DYNC1H1: variants seen among roughly 807,000 people sequenced by gnomAD.
The protein encoded by DYNC1H1 is dynein cytoplasmic 1 heavy chain 1.
Under a neutral mutation model 527.1 loss-of-function variants are expected in DYNC1H1, and 51 were observed. That is an observed-to-expected ratio of 0.10 (90% CI 0.08 to 0.12). The LOEUF is 0.12. Among genes scored for constraint, DYNC1H1 ranks in the 10% least tolerant of loss-of-function variants. The probability of loss-of-function intolerance (pLI) is 1.00; values close to 1 mark genes in which losing one functional copy is unlikely to be tolerated. For synonymous variants in DYNC1H1, 2,189 were observed against 2,278.8 expected (o/e 0.96, Z 1.12); for missense variants, 2,771 against 5,971.8 (o/e 0.46, Z 17.66).
At position 102,041,645 on chromosome 14, in the gene DYNC1H1, G is replaced by T. The variant is rs569052480; in HGVS notation, c.12013G>T (p.Ala4005Ser). ...AFRPDRLLAM[A>S]HMFVSTNLGE... ...CCGGCCCGATCGCCTGTTGGCCATG[G>T]CCCACATGTTTGTTTCAACAAACCT... Residue 4005 changes from alanine (A) to serine (S), a missense_variant, in exon 65 of 78, where the codon GCC (alanine) becomes TCC (serine). This residue lies in a region of DYNC1H1 where 120 missense variants were observed against 161.9 expected (regional missense o/e 0.74). Transcript: ENST00000360184. This position sits in a 1 kb window ranked among gnomAD's most constrained non-coding sequence, Gnocchi z 4.5. The T allele has an allele frequency of 6.2e-7, 1 of 1,614,190 alleles. No homozygotes were observed. The highest frequency in any genetic ancestry group is 1.1e-5 in the South Asian group (1 of 91,078).
rs766415161 is a variant in DYNC1H1, at chr14:102,001,499, A to G, written c.4396-36A>G. On this transcript the variant is annotated intron_variant, in intron 20 of 77. Coordinates refer to ENST00000360184, the MANE Select transcript of DYNC1H1 (RefSeq NM_001376.5). The surrounding 1 kb of genome is among the most constrained non-coding windows in gnomAD (Gnocchi z 5.0). Reference sequence around the variant, plus strand: ...CCTTGTGCAGGTAGTGAATGCCCACATATTGATAACATGCATCTTTCTGGT... The same window carrying G: ...CCTTGTGCAGGTAGTGAATGCCCACGTATTGATAACATGCATCTTTCTGGT... 1.9e-6 allele frequency: 3 copies of G among 1,614,170 alleles called. No homozygotes were observed. Among genetic ancestry groups the G allele is most frequent in the Non-Finnish European group, 2.5e-6 (3 of 1,180,024 alleles).
chr14:101,985,808 A>G lies in DYNC1H1; in HGVS notation c.1583A>G (p.Glu528Gly). The G allele has an allele frequency of 1.9e-6, 3 of 1,614,186 alleles. No individual in the cohort carries two copies. In the East Asian group the frequency reaches 6.7e-5, roughly 36 times the overall value. ...ATTGAGGAAGTAAACCTTGCTTATG[A>G]GAACGTCAAGGAAGTGGATGGACTG... The part of the protein sequence containing the change: ...NAIEEVNLAY[E>G]NVKEVDGLDV... Residue 528 changes from glutamate (E) to glycine (G), a missense_variant, in exon 8 of 78, where the codon GAG becomes GGG. Coordinates refer to ENST00000360184, the MANE Select transcript of DYNC1H1 (RefSeq NM_001376.5). The surrounding 1 kb of genome is among the most constrained non-coding windows in gnomAD (Gnocchi z 5.9).
intron 1 of DYNC1H1, among the ~76,000 whole-genome samples, chr14:101,972,833 G>C (rs2047755169): frequency 6.6e-6 from 1 of 152,024 alleles, no homozygotes; most frequent in African/African-American, 2.4e-5. Flanking sequence ...TATTTTGATG[G>C]CATATTTTAT....
Position 102,015,516 on chromosome 14 carries a change from A to G in DYNC1H1, c.7242+184A>G, listed in dbSNP as rs2048309951. On this transcript the variant is annotated intron_variant, in intron 35 of 77. Transcript: ENST00000360184. This position sits in a 1 kb window ranked among gnomAD's most constrained non-coding sequence, Gnocchi z 6.9. The stretch of plus-strand genomic sequence containing the variant: ...TACCCAGCCAACTTTTGTGTAATCA[A>G]TGTTGTCTTCTGCCAGCTTAAACAA... Among the ~76,000 whole-genome samples, 1 of 152,190 alleles carries G rather than the reference A, an allele frequency of 6.6e-6. No homozygotes were observed. Among genetic ancestry groups the G allele is most frequent in the Admixed American group, 6.5e-5 (1 of 15,274 alleles).
Position 102,033,942 on chromosome 14 carries a change from C to T in DYNC1H1, c.10414-34C>T, listed in dbSNP as rs1220657132. On this transcript the variant is annotated intron_variant, in intron 54 of 77. Transcript: ENST00000360184. The surrounding 1 kb of genome is among the most constrained non-coding windows in gnomAD (Gnocchi z 5.6). ...ATTCGGTATAAATCCTGAAAGGCCT[C>T]ATCCCTGAGCATCTTGTTCGGTTTT... 2 of 1,609,316 alleles carry T rather than the reference C, an allele frequency of 1.2e-6. No homozygotes were observed. Among genetic ancestry groups the T allele is most frequent in the Admixed American group, 3.3e-5 (2 of 60,010 alleles).
chr14:102,013,765 G>A (rs1304888768), intron 34 of DYNC1H1, among the ~76,000 whole-genome samples: 1 of 152,198 alleles, frequency 6.6e-6, no homozygotes, highest in Non-Finnish European at 1.5e-5. Context: ...AAGAGGGCAG[G>A]GTGAAAGCCA....
chr14:101,986,114 G>A lies in DYNC1H1; in HGVS notation c.1889G>A (p.Ser630Asn). ...HDKFKVQYPQ[S>N]QACKMSHVRD... ...AAGTTCAAGGTCCAGTACCCACAGA[G>A]TCAGGCTTGTAAGATGAGTCACGTT... is the stretch of plus-strand genomic sequence containing the variant. Residue 630 changes from serine to asparagine, a missense_variant, in exon 8 of 78, where the codon AGT (serine) becomes AAT (asparagine). By Grantham distance (46) the Ser-to-Asn change is conservative. Around this residue, in one of 32 missense-constraint regions of DYNC1H1, gnomAD observed 264 missense variants for 619.4 expected, o/e 0.43. Coordinates refer to ENST00000360184, the MANE Select transcript of DYNC1H1 (RefSeq NM_001376.5). This position sits in a 1 kb window ranked among gnomAD's most constrained non-coding sequence, Gnocchi z 8.7. 6.2e-7 allele frequency: 1 copy of A among 1,614,236 alleles called. No individual in the cohort carries two copies. Among genetic ancestry groups the A allele is most frequent in the Non-Finnish European group, 8.5e-7 (1 of 1,180,046 alleles).
intron 5 of DYNC1H1, 74 bp from the exon 6 acceptor site, chr14:101,982,945 G>T: frequency 6.5e-7 from 1 of 1,546,262 alleles, no homozygotes; most frequent in Non-Finnish European, 8.9e-7. Flanking sequence ...ATGTTCCATT[G>T]TAATGGCATA....
chr14:101,988,582 G>A (rs1349989158), intron 9 of DYNC1H1, 121 bp from the exon 10 acceptor site: 91 of 1,281,082 alleles, frequency 7.1e-5, no homozygotes, highest in Non-Finnish European at 9.6e-5. Context: ...AGAGAGATAT[G>A]AAGGCTTCTA....
At chr14:101,978,858 G>A (rs2047831108) in intron 2 of DYNC1H1, among the ~76,000 whole-genome samples, 2 of 152,162 alleles carry the variant, frequency 1.3e-5, no homozygotes, top group African/African-American at 4.8e-5. Context: ...TTAGGGAATG[G>A]GACATCTGGT....
At chr14:101,993,884 A>T (rs1032789257) in intron 11 of DYNC1H1, among the ~76,000 whole-genome samples, 1 of 152,246 alleles carries the variant, frequency 6.6e-6, no homozygotes, top group Non-Finnish European at 1.5e-5. Context: ...TACCTAGAAC[A>T]GTGCCTGGCA....
chr14:101,999,071 A>G (rs530925196), intron 16 of DYNC1H1, among the ~76,000 whole-genome samples: 1 of 151,674 alleles, frequency 6.6e-6, no homozygotes, highest in Non-Finnish European at 1.5e-5. Context: ...TTTAGTAGAG[A>G]CGGGGTTTCA....
rs1395404099 is a variant in DYNC1H1 at position 102,028,005 on chromosome 14, G to C, written c.9332G>C (p.Ser3111Thr). Residue 3111 changes from serine to threonine, a missense_variant, in exon 48 of 78, where the codon AGT becomes ACT. Coordinates refer to ENST00000360184, the MANE Select transcript of DYNC1H1 (RefSeq NM_001376.5). The part of the protein sequence containing the change: ...ALYQVGKEFT[S>T]KMDLEKPNYI... Reference sequence around the variant, plus strand: ...TATCAGGTTGGCAAAGAATTCACAAGTAAGATGGATCTGGAGAAGCCAAAT... The same window carrying C: ...TATCAGGTTGGCAAAGAATTCACAACTAAGATGGATCTGGAGAAGCCAAAT... 6.2e-7 allele frequency: 1 copy of C among 1,614,200 alleles called. No homozygotes were observed. The highest frequency in any genetic ancestry group is 1.1e-5 in the South Asian group (1 of 91,084).
chr14:101,980,809 T>G (rs1329913895), intron 5 of DYNC1H1, among the ~76,000 whole-genome samples: 2 of 152,204 alleles, frequency 1.3e-5, no homozygotes. Flanking sequence ...GATTCCTTCT[T>G]GTTTCCCCAC....
chr14:101,972,041 A>G (rs1202196279), intron 1 of DYNC1H1, among the ~76,000 whole-genome samples: 1 of 152,202 alleles, frequency 6.6e-6, no homozygotes, highest in Non-Finnish European at 1.5e-5. Context: ...ACTTTGTATT[A>G]ACTAGTAACT....
In DYNC1H1 at chr14:102,004,654, T is replaced by G; in HGVS notation, c.5020T>G (p.Leu1674Val). 1 of 1,614,242 alleles carries G rather than the reference T, an allele frequency of 6.2e-7. No individual in the cohort carries two copies. The highest frequency in any genetic ancestry group is 8.5e-7 in the Non-Finnish European group (1 of 1,180,048). ...IILNEDNSVV[L>V]GISSREGEEV... ...CCTGAACGAGGATAACTCTGTTGTT[T>G]TGGGTATTTCATCTCGGGAAGGAGA... Residue 1674 changes from leucine (L) to valine (V), a missense_variant, in exon 24 of 78, where the codon TTG becomes GTG. By Grantham distance (32) the Leu-to-Val change is conservative. This residue lies in a region of DYNC1H1 where 105 missense variants were observed against 138.1 expected (regional missense o/e 0.76). Transcript: ENST00000360184.
Position 102,044,426 on chromosome 14 carries a change from CAGTG to C in DYNC1H1, c.12841_12844del (p.Glu4281LeufsTer58). The C allele has an allele frequency of 6.2e-7, 1 of 1,614,214 alleles. No homozygotes were observed. Among genetic ancestry groups the C allele is most frequent in the Non-Finnish European group, 8.5e-7 (1 of 1,180,048 alleles). ...GCCTGTTCACAACCAGGAGTTTCGA[CAGTG>C]AGTTTAAGCTGGCATGCAAGGTCGA... is the stretch of plus-strand genomic sequence containing the variant. On this transcript the variant is annotated frameshift_variant, in exon 71 of 78. Transcript: ENST00000360184. LOFTEE classifies it high-confidence loss of function. This position sits in a 1 kb window ranked among gnomAD's most constrained non-coding sequence, Gnocchi z 7.1.
In DYNC1H1 at chr14:102,042,438, G is replaced by A. The variant is rs182070792; in HGVS notation, c.12330G>A (p.Glu4110=). ...HLAPGWLMQL[E]KKLHSLQPHA... ...CCCCAGGGTGGCTGATGCAGCTGGA[G>A]AAGAAGTTGCATTCCCTGCAGCCGC... The change falls in exon 68 of 78, where the codon GAG becomes GAA. Residue 4110 remains glutamate, a synonymous_variant. Coordinates refer to ENST00000360184, the MANE Select transcript of DYNC1H1 (RefSeq NM_001376.5). The surrounding 1 kb of genome is among the most constrained non-coding windows in gnomAD (Gnocchi z 5.7). 6.8e-6 allele frequency: 11 copies of A among 1,614,034 alleles called. No homozygotes were observed. The highest frequency in any genetic ancestry group is 1.6e-4 in the Middle Eastern group (1 of 6,084).
chr14:102,049,480 C>T lies in DYNC1H1; in HGVS notation c.13413C>T (p.Ala4471=), dbSNP rs776463183. ...PRSWSHYTVP[A]GMTVIQWVSD... is the part of the protein sequence containing the mutation. ...GCTGGTCCCACTACACGGTGCCTGC[C>T]GGCATGACCGTCATCCAGTGGGTGT... The change falls in exon 75 of 78, where the codon GCC becomes GCT. Residue 4471 remains alanine (A), a synonymous_variant. Transcript: ENST00000360184. The surrounding 1 kb of genome is among the most constrained non-coding windows in gnomAD (Gnocchi z 5.5). The T allele has an allele frequency of 1.1e-5, 18 of 1,614,062 alleles. No homozygotes were observed. Among genetic ancestry groups the T allele is most frequent in the Admixed American group, 1.7e-5 (1 of 60,006 alleles).
Sources: gnomAD v4.1 joint callset for allele counts (sites outside exome capture counted in the v4.1 genomes callset) on GRCh38, gnomAD v4.1.1 for gene constraint, gnomAD v4.1.1 regional missense constraint, Gnocchi (gnomAD v3.1) non-coding constraint, MANE v1.5 for transcripts, NCBI Gene and HGNC (gene_info 2026-07-23, HGNC 2026-07-21) for gene names.